The following DNAH8 variants were observed in gnomAD, a reference collection of about 807,000 sequenced individuals.
The protein encoded by DNAH8 is dynein axonemal heavy chain 8, also known as axonemal beta dynein heavy chain 8.
Under a neutral mutation model 562.1 loss-of-function variants are expected in DNAH8, and 382 were observed. The ratio of observed to expected loss-of-function variants is 0.68; its 90% confidence interval spans 0.63 to 0.74. The LOEUF (loss-of-function observed/expected upper bound fraction) is 0.74, where lower values mean the gene tolerates loss of function less well. DNAH8 is among the 30% of genes least tolerant of loss of function. DNAH8 has a pLI of 0.00. For synonymous variants in DNAH8, 1,881 were observed against 1,919.4 expected (o/e 0.98, Z 0.52); for missense variants, 5,203 against 5,620.4 (o/e 0.93, Z 2.37).
intron 84 of DNAH8, 135 bp downstream of exon 84, chr6:38,973,948 T>C (rs569250852): frequency 6.7e-6 from 4 of 600,838 alleles, no homozygotes; most frequent in Non-Finnish European, 8.4e-6. Context: ...ACTATAATAC[T>C]ATAATCATCA....
rs976367156 is a variant in DNAH8 at position 38,938,320 on chromosome 6, G to A, written c.11816+94G>A. On this transcript the variant is annotated intron_variant, in intron 78 of 92. Coordinates refer to ENST00000327475, the MANE Select transcript of DNAH8 (RefSeq NM_001206927.2). ...AATTGCTTTTTCACTATTCACAATA[G>A]CAAAGACATGGAATCAACCTAAATG... The A allele has an allele frequency of 2.9e-5, 41 of 1,422,452 alleles. No individual in the cohort carries two copies. The African/African-American group carries it at 3.6e-4, about 12-fold the overall frequency. The allele number at this position is 1,422,452 out of a possible 1,614,324, so 88.1% of individuals were successfully genotyped here.
intron 26 of DNAH8, among the ~76,000 whole-genome samples, chr6:38,820,908 T>C (rs1425105492): frequency 2.0e-5 from 3 of 152,138 alleles, no homozygotes; most frequent in African/African-American, 7.2e-5. Context: ...CTGAATTTTT[T>C]CCCCCTAAGA....
intron 1 of DNAH8, among the ~76,000 whole-genome samples, chr6:38,718,676 T>C (rs1762523041): frequency 6.6e-6 from 1 of 152,214 alleles, no homozygotes; most frequent in Non-Finnish European, 1.5e-5. Context: ...TCCCTGATTA[T>C]CAATTTTCAG....
Position 38,908,071 on chromosome 6 carries a change from T to C in DNAH8, c.9464T>C (p.Phe3155Ser), listed in dbSNP as rs748826446. The C allele has an allele frequency of 6.2e-7, 1 of 1,607,084 alleles. No homozygotes were observed. Among genetic ancestry groups the C allele is most frequent in the Non-Finnish European group, 8.5e-7 (1 of 1,177,140 alleles). Residue 3155 changes from phenylalanine to serine, a missense_variant, in exon 64 of 93, where the codon TTC (phenylalanine) becomes TCC (serine). Transcript: ENST00000327475. The stretch of plus-strand genomic sequence containing the variant: ...ACCTTTGATAATTTGTATGAATACT[T>C]CATTTCAAGATCAAGGAAGAACTTA... ...PPTFDNLYEY[F>S]ISRSRKNLHV...
rs78660924 is a variant in DNAH8, at chr6:38,786,307, A to G, written c.2396-458A>G. On this transcript the variant is annotated intron_variant, in intron 17 of 92. Coordinates refer to ENST00000327475, the MANE Select transcript of DNAH8 (RefSeq NM_001206927.2). ...ACTGATTTTGAGCCTATTTATCAGA[A>G]ATACAGGATGGAGATTTAATTTAAA... Among the ~76,000 whole-genome samples the G allele has an allele frequency of 7.9e-5, 12 of 152,356 alleles. 1 individual carries two copies. The East Asian group carries it at 2.3e-3, about 29-fold the overall frequency.
In DNAH8 at chr6:38,777,807, G is replaced by A. The variant is rs1008585656; in HGVS notation, c.1963-581G>A. ...AGTGGCAAAGAGGTTTCTGAGAGCA[G>A]CAATGTCAGAAAATGACATCTGCTG... On this transcript the variant is annotated intron_variant, in intron 13 of 92. Transcript: ENST00000327475. 3.9e-5 allele frequency among the ~76,000 whole-genome samples: 6 copies of A among 152,262 alleles called. No individual in the cohort carries two copies. In the South Asian group the frequency reaches 1.0e-3, roughly 26 times the overall value.
At chr6:38,724,827 G>A (rs1239564341) in intron 3 of DNAH8, among the ~76,000 whole-genome samples, 2 of 152,180 alleles carry the variant, frequency 1.3e-5, no homozygotes, top group African/African-American at 4.8e-5. Flanking sequence ...GTGAGCAGGT[G>A]CAGACTGCTG....
chr6:38,871,126 C>A (rs1014406337), intron 49 of DNAH8, among the ~76,000 whole-genome samples: 2 of 152,182 alleles, frequency 1.3e-5, no homozygotes, highest in Non-Finnish European at 2.9e-5. Flanking sequence ...GATTAAATCT[C>A]TATGAGCTTG....
chr6:38,872,472 C>A, intron 49 of DNAH8, 64 bp from the exon 50 acceptor site: 2 of 1,527,122 alleles, frequency 1.3e-6, no homozygotes, highest in South Asian at 1.2e-5. Context: ...CTTCAAGTAG[C>A]TACTATGAAT....
intron 1 of DNAH8, among the ~76,000 whole-genome samples, chr6:38,719,407 C>A (rs1160457758): frequency 6.6e-6 from 1 of 152,030 alleles, no homozygotes; most frequent in African/African-American, 2.4e-5. Context: ...TCTTGTACCC[C>A]CAGTGTCTCT....
At chr6:38,847,779 A>T (rs1775413489) in intron 36 of DNAH8, among the ~76,000 whole-genome samples, 1 of 152,132 alleles carries the variant, frequency 6.6e-6, no homozygotes, top group African/African-American at 2.4e-5. Context: ...TTCTTGCTCT[A>T]ACTGTAGGTA....
chr6:39,006,438 A>C (rs1765804324), intron 88 of DNAH8, among the ~76,000 whole-genome samples: 1 of 151,996 alleles, frequency 6.6e-6, no homozygotes, highest in African/African-American at 2.4e-5. Context: ...TGTAGTGTGC[A>C]TCTGAAAAGT....
chr6:38,959,217 C>T (rs1762457984), intron 82 of DNAH8, among the ~76,000 whole-genome samples: 1 of 152,144 alleles, frequency 6.6e-6, no homozygotes, highest in African/African-American at 2.4e-5. Context: ...AAATTAGGAA[C>T]ACAACAATGA....
intron 8 of DNAH8, among the ~76,000 whole-genome samples, chr6:38,747,971 C>G (rs1273358411): frequency 6.6e-6 from 1 of 152,062 alleles, no homozygotes; most frequent in African/African-American, 2.4e-5. Context: ...CATTTGCTAC[C>G]TTTGTTTTTA....
At chr6:38,820,091 A>C (rs914417279) in intron 26 of DNAH8, among the ~76,000 whole-genome samples, 6 of 152,224 alleles carry the variant, frequency 3.9e-5, no homozygotes, top group Non-Finnish European at 7.3e-5. Flanking sequence ...TTGTAAAATT[A>C]TATAGAAGTG....
intron 7 of DNAH8, among the ~76,000 whole-genome samples, chr6:38,740,140 A>G (rs189305015): frequency 1.5e-3 from 222 of 152,318 alleles, no homozygotes; most frequent in Admixed American, 0.011. Flanking sequence ...TTGGCATGCC[A>G]AGTCTTTTCT....
chr6:38,896,481 G>A (rs1312633779), intron 60 of DNAH8, among the ~76,000 whole-genome samples: 3 of 151,914 alleles, frequency 2.0e-5, no homozygotes, highest in African/African-American at 7.3e-5. Flanking sequence ...AGGTGGAGGT[G>A]GGAGGATTAC....
chr6:38,884,467 T>TA (rs1235192617), intron 56 of DNAH8, among the ~76,000 whole-genome samples: 1 of 152,174 alleles, frequency 6.6e-6, no homozygotes, highest in Non-Finnish European at 1.5e-5. Flanking sequence ...CTAATTTTTG[T>TA]ATTTTTAGTA....
chr6:38,867,368 T>C (rs369022156), intron 47 of DNAH8, among the ~76,000 whole-genome samples: 47 of 152,232 alleles, frequency 3.1e-4, no homozygotes, highest in African/African-American at 1.1e-3. Flanking sequence ...CATTAACCTT[T>C]TCTCCATGTC....
Sources: allele counts gnomAD v4.1 joint callset (sites outside exome capture counted in the v4.1 genomes callset), GRCh38; gene constraint gnomAD v4.1.1; transcripts MANE v1.5; gene names NCBI Gene and HGNC (gene_info 2026-07-23, HGNC 2026-07-21).